GCLC: variants seen among roughly 807,000 people sequenced by gnomAD.
GCLC encodes the protein glutamate-cysteine ligase catalytic subunit.
Under a neutral mutation model 81.5 loss-of-function variants are expected in GCLC, and 30 were observed. That is an observed-to-expected ratio of 0.37 (90% confidence interval 0.28 to 0.50). GCLC has a LOEUF of 0.50. Ranked by LOEUF, GCLC falls within the 20% of genes least tolerant of loss-of-function variation. The probability of loss-of-function intolerance (pLI) is 0.96; values close to 1 mark genes in which losing one functional copy is unlikely to be tolerated. For synonymous variants in GCLC, 262 were observed against 273.3 expected, an observed-to-expected ratio of 0.96 and a Z score of 0.41; for missense variants, 556 against 777.4, an observed-to-expected ratio of 0.72 and a Z score of 3.39.
chr6:53,498,616 C>T lies in GCLC; in HGVS notation c.*140G>A, dbSNP rs1764425720. ...CTCTAGATTTACCTACCAAAGAAAG[C>T]CTTAATCAATTTCTGGCTCACTGGC... is the stretch of plus-strand genomic sequence containing the variant. On this transcript the variant is annotated 3_prime_UTR_variant, in exon 16 of 16. Transcript: ENST00000650454. 1.4e-6 allele frequency: 1 copy of T among 701,038 alleles called. No homozygotes were observed. The highest frequency in any genetic ancestry group is 1.8e-5 in the African/African-American group (1 of 56,854). 43.4% of individuals were successfully genotyped at this position (701,038 alleles called of 1,614,324 possible).
chr6:53,521,797 C>A (rs1393814839), intron 2 of GCLC, among the ~76,000 whole-genome samples: 1 of 151,940 alleles, frequency 6.6e-6, no homozygotes, highest in Non-Finnish European at 1.5e-5. Flanking sequence ...CACGGTGAAA[C>A]CCCCGTCTCT....
rs1169527713 is a variant in GCLC at position 53,505,443 on chromosome 6, G to A, written c.1344C>T (p.Leu448=). The A allele has an allele frequency of 2.5e-6, 4 of 1,607,230 alleles. No individual in the cohort carries two copies. The highest frequency in any genetic ancestry group is 1.3e-5 in the African/African-American group (1 of 74,712). Residue 448 remains leucine (L), a synonymous_variant, in exon 12 of 16, where the codon CTC becomes CTT. Transcript: ENST00000650454. ...ATTTGTAGGAAAGGATCACTCTGGT[G>A]AGCAGTACCACAAACACCACATAGG... ...NSAYVVFVVL[L]TRVILSYKLD... is the part of the protein sequence containing the mutation.
intron 1 of GCLC, among the ~76,000 whole-genome samples, chr6:53,537,875 G>A (rs977615549): frequency 2.6e-5 from 4 of 151,790 alleles, no homozygotes; most frequent in African/African-American, 9.7e-5. Context: ...TACTTAACAG[G>A]CTAGGCACCT....
At chr6:53,509,547 AG>A (rs1245652881) in intron 6 of GCLC, 6 of 485,412 alleles carry the variant, frequency 1.2e-5, no homozygotes, top group Non-Finnish European at 2.2e-5. Context: ...GATGATGTTT[AG>A]CAAAGCATTT....
chr6:53,544,420 G>T, intron 1 of GCLC, 76 bp downstream of exon 1: 1 of 1,487,938 alleles, frequency 6.7e-7, no homozygotes, highest in Non-Finnish European at 9.2e-7. Context: ...TAGGGCCGGG[G>T]GCGTAGGGCA....
intron 3 of GCLC, among the ~76,000 whole-genome samples, chr6:53,517,827 G>A (rs1581738066): frequency 1.3e-5 from 2 of 152,282 alleles, no homozygotes; most frequent in East Asian, 1.9e-4. Flanking sequence ...CACTAACCAC[G>A]TGGCTACTGA....
In GCLC at chr6:53,514,440, T is replaced by G. The variant is rs372616704; in HGVS notation, c.618A>C (p.Pro206=). ...CCCACCACCTCTCAGTAGACTTACT[T>G]GGTACATTGATGACAACCTTTTCTC... ...RRGEKVVINV[P]IFKDKNTPSP... The change falls in exon 5 of 16, where the codon CCA becomes CCC. Residue 206 remains proline (P), a splice_region_variant and synonymous_variant. Coordinates refer to ENST00000650454, the MANE Select transcript of GCLC (RefSeq NM_001498.4). 5.0e-6 allele frequency: 8 copies of G among 1,611,376 alleles called. No individual in the cohort carries two copies. The African/African-American group carries it at 1.1e-4, about 22-fold the overall frequency.
rs1455700326 is a variant in GCLC at position 53,507,635 on chromosome 6, T to C, written c.946-17A>G. On this transcript the variant is annotated splice_polypyrimidine_tract_variant and intron_variant, in intron 8 of 15. Coordinates refer to ENST00000650454, the MANE Select transcript of GCLC (RefSeq NM_001498.4). ...CTTCAATGGCTAAAGATTAAAAATA[T>C]ATATAAATGAATATGCTATATAAAA... 14 of 1,166,134 alleles carry C rather than the reference T, an allele frequency of 1.2e-5. No homozygotes were observed. The highest frequency in any genetic ancestry group is 1.7e-5 in the Non-Finnish European group (13 of 785,830). 72.2% of individuals were successfully genotyped at this position (1,166,134 alleles called of 1,614,324 possible).
intron 3 of GCLC, among the ~76,000 whole-genome samples, chr6:53,519,388 T>G (rs1762944393): frequency 6.6e-6 from 1 of 151,862 alleles, no homozygotes; most frequent in African/African-American, 2.4e-5. Flanking sequence ...CATTCCTATT[T>G]CACTCCTCCT....
At chr6:53,532,852 T>C (rs1581747225) in intron 1 of GCLC, among the ~76,000 whole-genome samples, 2 of 152,174 alleles carry the variant, frequency 1.3e-5, no homozygotes, top group Non-Finnish European at 2.9e-5. Flanking sequence ...TCTTTCGTAG[T>C]ATTGTGTGGA....
At chr6:53,501,585 A>G (rs1425445590) in intron 12 of GCLC, among the ~76,000 whole-genome samples, 1 of 152,244 alleles carries the variant, frequency 6.6e-6, no homozygotes, top group Non-Finnish European at 1.5e-5. Context: ...CCAGGCTGAC[A>G]TGGGACAGAT....
intron 7 of GCLC, 109 bp from the exon 8 acceptor site, chr6:53,508,820 T>C: frequency 4.5e-6 from 3 of 673,242 alleles, no homozygotes; most frequent in South Asian, 1.5e-5. Flanking sequence ...ATGCAACCCA[T>C]ACAGAGCACA....
chr6:53,523,608 C>T (rs549272116), intron 1 of GCLC, among the ~76,000 whole-genome samples: 1 of 152,296 alleles, frequency 6.6e-6, no homozygotes, highest in Admixed American at 6.5e-5. Flanking sequence ...CCCAGAAGCC[C>T]AGCACGAAGC....
chr6:53,511,915 A>AG (rs1764758067), intron 6 of GCLC, among the ~76,000 whole-genome samples: 1 of 7,820 alleles, frequency 1.3e-4, no homozygotes, highest in African/African-American at 6.5e-4. Context: ...GGGGGGTGGG[A>AG]GGGGCTACCA....
intron 1 of GCLC, among the ~76,000 whole-genome samples, chr6:53,527,921 C>T (rs915287959): frequency 6.6e-6 from 1 of 152,206 alleles, no homozygotes; most frequent in Non-Finnish European, 1.5e-5. Context: ...ATCACTGCAT[C>T]CACCCCACAG....
chr6:53,504,379 C>T (rs1358451775), intron 12 of GCLC, among the ~76,000 whole-genome samples: 1 of 152,166 alleles, frequency 6.6e-6, no homozygotes, highest in African/African-American at 2.4e-5. Flanking sequence ...TTTGACTTTA[C>T]AGAGTATGCC....
chr6:53,508,988 C>T (rs1764679581), intron 7 of GCLC, among the ~76,000 whole-genome samples, 188 bp downstream of exon 7: 1 of 152,172 alleles, frequency 6.6e-6, no homozygotes, highest in African/African-American at 2.4e-5. Context: ...CAATGTTGTA[C>T]TAGCAAGAGT....
At chr6:53,532,842 T>C (rs1436356870) in intron 1 of GCLC, among the ~76,000 whole-genome samples, 1 of 152,172 alleles carries the variant, frequency 6.6e-6, no homozygotes, top group African/African-American at 2.4e-5. Context: ...TTTTGGGGGC[T>C]CTTTCGTAGT....
chr6:53,542,745 T>C (rs1159492050), intron 1 of GCLC, among the ~76,000 whole-genome samples: 5 of 151,896 alleles, frequency 3.3e-5, no homozygotes, highest in Non-Finnish European at 1.5e-5. Flanking sequence ...GCCCGGCACA[T>C]TGGCTCATGC....
Sources: allele counts gnomAD v4.1 joint callset (sites outside exome capture counted in the v4.1 genomes callset), GRCh38; gene constraint gnomAD v4.1.1; transcripts MANE v1.5; gene names NCBI Gene and HGNC (gene_info 2026-07-23, HGNC 2026-07-21).